GAS7: variants seen among roughly 807,000 people sequenced by gnomAD.
The protein encoded by GAS7 is growth arrest specific 7, also known as growth arrest-specific protein 7.
GAS7 carries 28 observed loss-of-function variants against 71.1 expected under a neutral mutation model. The observed-to-expected ratio is 0.39, with a 90% confidence interval of 0.29 to 0.54. GAS7 has a LOEUF of 0.54. Ranked by LOEUF, GAS7 falls within the 20% of genes least tolerant of loss-of-function variation. GAS7 has a pLI of 0.62. For synonymous variants in GAS7, 258 were observed against 245.8 expected (o/e 1.05, Z -0.46); for missense variants, 436 against 627.8 (o/e 0.69, Z 3.27).
At chr17:10,036,604 C>A in intron 1 of GAS7, 1 of 1,471,678 alleles carries the variant, frequency 6.8e-7, no homozygotes, top group Admixed American at 2.4e-5. Context: ...GTGTTCTGGG[C>A]ACCCCAGCGG....
At chr17:10,082,204 G>A (rs539874541) in intron 1 of GAS7, among the ~76,000 whole-genome samples, 2 of 152,282 alleles carry the variant, frequency 1.3e-5, no homozygotes, top group Non-Finnish European at 2.9e-5. Context: ...ATATACACAC[G>A]TTAATAAAGA....
chr17:10,122,443 C>A (rs1217107969), intron 1 of GAS7, among the ~76,000 whole-genome samples: 1 of 152,170 alleles, frequency 6.6e-6, no homozygotes, highest in Non-Finnish European at 1.5e-5. Flanking sequence ...CAAAAACACA[C>A]CCATTTTCTC....
At chr17:9,927,028 T>C in intron 9 of GAS7, 1 of 410,144 alleles carries the variant, frequency 2.4e-6, no homozygotes, top group South Asian at 5.4e-5. Flanking sequence ...CCTTCTGATT[T>C]CCCCATCTGT....
In GAS7 at chr17:9,912,359, G is replaced by C. The variant is rs2067462040; in HGVS notation, c.*4869C>G. 1 of 232,964 alleles carries C rather than the reference G, an allele frequency of 4.3e-6. No homozygotes were observed. The highest frequency in any genetic ancestry group is 5.6e-5 in the Admixed American group (1 of 17,778). 14.4% of individuals were successfully genotyped at this position (232,964 alleles called of 1,614,324 possible). On this transcript the variant is annotated 3_prime_UTR_variant, in exon 14 of 14. Transcript: ENST00000432992. ...AGGTACATGCAGTTGCCGGTGGCCT[G>C]AGACACTCATCTAGAACAAACACCC...
intron 2 of GAS7, among the ~76,000 whole-genome samples, chr17:10,003,226 C>T (rs2071340566): frequency 6.6e-6 from 1 of 152,140 alleles, no homozygotes; most frequent in South Asian, 2.1e-4. Context: ...ACAGAGGAGC[C>T]TGGGGGTTCC....
chr17:9,988,739 A>C (rs556611384), intron 2 of GAS7, among the ~76,000 whole-genome samples: 1 of 152,192 alleles, frequency 6.6e-6, no homozygotes, highest in African/African-American at 2.4e-5. Context: ...CTCTGCAGGA[A>C]AGAAACTACT....
intron 5 of GAS7, among the ~76,000 whole-genome samples, chr17:9,957,130 A>C (rs890076728): frequency 7.2e-6 from 1 of 139,276 alleles, no homozygotes; most frequent in African/African-American, 2.5e-5. Context: ...CTGGCAAAAA[A>C]ATTCTCCAAG....
chr17:10,052,249 G>A lies in GAS7; in HGVS notation c.184-32352C>T, dbSNP rs375172951. 6.6e-4 allele frequency among the ~76,000 whole-genome samples: 101 copies of A among 152,272 alleles called. 2 individuals carry two copies. The South Asian group carries it at 0.017, about 26-fold the overall frequency. On this transcript the variant is annotated intron_variant, in intron 1 of 13. Coordinates refer to ENST00000432992, the MANE Select transcript of GAS7 (RefSeq NM_201433.2). ...ATCATACCTGAGACTCCTCTGCGGC[G>A]TCTAGGAATCCAATATCCAAAGGCA...
chr17:10,097,747 A>G (rs976452734), intron 1 of GAS7, among the ~76,000 whole-genome samples: 1 of 152,082 alleles, frequency 6.6e-6, no homozygotes, highest in East Asian at 1.9e-4. Flanking sequence ...TGGGTGGTAA[A>G]AAATGTACAC....
intron 1 of GAS7, among the ~76,000 whole-genome samples, chr17:10,073,643 C>T (rs2073363596): frequency 6.6e-6 from 1 of 152,156 alleles, no homozygotes; most frequent in Admixed American, 6.5e-5. Flanking sequence ...CGCACATTAA[C>T]GTTTGAGCAG....
chr17:10,167,044 C>CTTTTTTTGTTTTTT (rs2074299565), intron 1 of GAS7, among the ~76,000 whole-genome samples: 1 of 58,806 alleles, frequency 1.7e-5, no homozygotes, highest in Non-Finnish European at 2.9e-5. Context: ...TTCCATTTGT[C>CTTTTTTTGTTTTTT]TTTTTTTTTT....
At chr17:10,116,039 G>C (rs972105382) in intron 1 of GAS7, among the ~76,000 whole-genome samples, 2 of 152,194 alleles carry the variant, frequency 1.3e-5, no homozygotes, top group African/African-American at 4.8e-5. Context: ...GGCCGGCCAT[G>C]GTGGCTCACG....
At chr17:9,978,260 G>A (rs1281134238) in intron 3 of GAS7, among the ~76,000 whole-genome samples, 6 of 151,188 alleles carry the variant, frequency 4.0e-5, no homozygotes, top group South Asian at 4.2e-4. Flanking sequence ...GCAGGGCCTC[G>A]TTTTATCTCT....
intron 1 of GAS7, among the ~76,000 whole-genome samples, chr17:10,109,952 G>A (rs895225464): frequency 6.6e-6 from 1 of 151,256 alleles, no homozygotes; most frequent in South Asian, 2.1e-4. Context: ...TATTCGGGAG[G>A]ATGAGGCAGG....
intron 1 of GAS7, among the ~76,000 whole-genome samples, chr17:10,028,661 A>G (rs529051573): frequency 2.0e-5 from 3 of 152,236 alleles, no homozygotes; most frequent in Admixed American, 1.3e-4. Flanking sequence ...TAAGAAGAGA[A>G]CAAAACAAGG....
chr17:10,098,538 C>T (rs75949810), intron 1 of GAS7, among the ~76,000 whole-genome samples: 3 of 152,092 alleles, frequency 2.0e-5, no homozygotes, highest in Admixed American at 2.0e-4. Flanking sequence ...TCCCAGTGGC[C>T]GAGACAGCAG....
chr17:10,088,284 G>A (rs1407525313), intron 1 of GAS7, among the ~76,000 whole-genome samples: 1 of 150,666 alleles, frequency 6.6e-6, no homozygotes, highest in Non-Finnish European at 1.5e-5. Context: ...TAAGGAGTGA[G>A]CTAGCACAAC....
At chr17:9,982,933 A>G (rs2070489667) in intron 2 of GAS7, among the ~76,000 whole-genome samples, 1 of 152,186 alleles carries the variant, frequency 6.6e-6, no homozygotes, top group African/African-American at 2.4e-5. Context: ...CCCAAACACT[A>G]CTTTACCCAT....
Position 10,103,697 on chromosome 17 carries a change from A to C in GAS7, c.184-83800T>G, listed in dbSNP as rs970847880. Among the ~76,000 whole-genome samples the C allele has an allele frequency of 2.6e-5, 4 of 152,034 alleles. No individual in the cohort carries two copies. Among genetic ancestry groups the C allele is most frequent in the Admixed American group, 6.6e-5 (1 of 15,254 alleles). On this transcript the variant is annotated intron_variant, in intron 1 of 13. Coordinates refer to ENST00000432992, the MANE Select transcript of GAS7 (RefSeq NM_201433.2). This position sits in a 1 kb window ranked among gnomAD's most constrained non-coding sequence, Gnocchi z 5.5. The stretch of plus-strand genomic sequence containing the variant: ...AAAAATTAGCTGGGTGTGGTGGCAC[A>C]TGCCTGTAATCCCGGCTACTAGGGA...
Sources: gnomAD v4.1 joint callset for allele counts (sites outside exome capture counted in the v4.1 genomes callset) on GRCh38, gnomAD v4.1.1 for gene constraint, Gnocchi (gnomAD v3.1) non-coding constraint, MANE v1.5 for transcripts, NCBI Gene and HGNC (gene_info 2026-07-23, HGNC 2026-07-21) for gene names.